The following MTURN variants were observed in gnomAD, a reference collection of about 807,000 sequenced individuals.
The protein encoded by MTURN is maturin.
Under a neutral mutation model 14.9 loss-of-function variants are expected in MTURN, and 7 were observed. The ratio of observed to expected loss-of-function variants is 0.47; its 90% CI spans 0.27 to 0.88. The LOEUF (loss-of-function observed/expected upper bound fraction) is 0.88, where lower values mean the gene tolerates loss of function less well. Ranked by LOEUF, MTURN falls within the 40% of genes least tolerant of loss-of-function variation. The pLI is 0.14. For missense variants in MTURN, 151 were observed against 174.1 expected (o/e 0.87, Z 0.75); for synonymous variants, 69 against 72.5 (o/e 0.95, Z 0.25).
chr7:30,138,421 C>T (rs1369667882), intron 1 of MTURN, among the ~76,000 whole-genome samples: 1 of 152,106 alleles, frequency 6.6e-6, no homozygotes, highest in African/African-American at 2.4e-5. Context: ...GGCCTCTATG[C>T]CATAGTTTCT....
intron 2 of MTURN, 116 bp from the exon 3 acceptor site, chr7:30,157,322 A>G (rs1196051530): frequency 1.2e-5 from 8 of 663,342 alleles, no homozygotes; most frequent in East Asian, 3.2e-5. Context: ...TTGACGGGGA[A>G]GTCTGCAGCT....
chr7:30,139,425 A>G (rs570926762), intron 1 of MTURN, among the ~76,000 whole-genome samples: 3 of 152,338 alleles, frequency 2.0e-5, no homozygotes, highest in East Asian at 3.9e-4. Flanking sequence ...AGCAACTTCA[A>G]CTATAGCCCT....
chr7:30,141,686 C>T (rs1217497092), intron 1 of MTURN, among the ~76,000 whole-genome samples: 1 of 152,090 alleles, frequency 6.6e-6, no homozygotes, highest in East Asian at 1.9e-4. Flanking sequence ...CCACACCCAG[C>T]TATTTTTCTT....
chr7:30,139,703 C>T (rs1164982086), intron 1 of MTURN, among the ~76,000 whole-genome samples: 1 of 152,178 alleles, frequency 6.6e-6, no homozygotes, highest in Non-Finnish European at 1.5e-5. Context: ...CCAGTAGTTC[C>T]AGGGGCCCAT....
Position 30,158,027 on chromosome 7 carries a change from A to G in MTURN, c.*479A>G, listed in dbSNP as rs1797312727. ...GTTTTGCTTATAAAGCATGAATTTT[A>G]ATATCTAGTCATTAAACTGCACAAG... On this transcript the variant is annotated 3_prime_UTR_variant, in exon 3 of 3. Coordinates refer to ENST00000324453, the MANE Select transcript of MTURN (RefSeq NM_152793.3). 6.5e-6 allele frequency: 1 copy of G among 152,672 alleles called. No individual in the cohort carries two copies. The highest frequency in any genetic ancestry group is 2.4e-5 in the African/African-American group (1 of 41,452). The allele number at this position is 152,672 out of a possible 1,614,324, so 9.5% of individuals were successfully genotyped here.
At chr7:30,142,323 A>G (rs1395656656) in intron 1 of MTURN, among the ~76,000 whole-genome samples, 2 of 152,208 alleles carry the variant, frequency 1.3e-5, no homozygotes, top group Non-Finnish European at 2.9e-5. Context: ...CACTCAGGCC[A>G]GGTTCGATGA....
In MTURN at chr7:30,159,740, G is replaced by A. The variant is rs909243816; in HGVS notation, c.*2192G>A. ...AAATCCCAAACAGCATTAGCAGATC[G>A]AATTGTTTCTTCTAAGACTTCCTTT... On this transcript the variant is annotated 3_prime_UTR_variant, in exon 3 of 3. Transcript: ENST00000324453. 1 of 152,662 alleles carries A rather than the reference G, an allele frequency of 6.6e-6. No individual in the cohort carries two copies. Among genetic ancestry groups the A allele is most frequent in the Non-Finnish European group, 1.5e-5 (1 of 68,052 alleles). The allele number at this position is 152,662 out of a possible 1,614,324, so 9.5% of individuals were successfully genotyped here. A position where few individuals can be genotyped will look rare whatever the true frequency, so the allele number is the denominator to read the frequency against.
intron 2 of MTURN, among the ~76,000 whole-genome samples, chr7:30,155,339 A>G (rs1227469165): frequency 1.3e-5 from 2 of 152,196 alleles, no homozygotes; most frequent in Non-Finnish European, 2.9e-5. Flanking sequence ...TTTACCAGCT[A>G]TTTAAATGTT....
intron 1 of MTURN, chr7:30,145,699 C>T (rs899323884): frequency 1.4e-5 from 11 of 806,658 alleles, no homozygotes; most frequent in Non-Finnish European, 2.0e-5. Flanking sequence ...TTTACCACCA[C>T]GCCTACTCAC....
rs924162009 is a variant in MTURN at position 30,160,114 on chromosome 7, A to T, written c.*2566A>T. 1 of 152,374 alleles carries T rather than the reference A, an allele frequency of 6.6e-6. No homozygotes were observed. The highest frequency in any genetic ancestry group is 1.5e-5 in the Non-Finnish European group (1 of 68,120). 9.4% of individuals were successfully genotyped at this position (152,374 alleles called of 1,614,324 possible). ...AAGGGGCATTTGCCCTTCCAGCTGT[A>T]AACACTGCCCTTCTGTGCCTGCCTT... On this transcript the variant is annotated 3_prime_UTR_variant, in exon 3 of 3. Transcript: ENST00000324453.
chr7:30,142,816 A>G (rs1797071664), intron 1 of MTURN, among the ~76,000 whole-genome samples: 1 of 152,156 alleles, frequency 6.6e-6, no homozygotes, highest in Non-Finnish European at 1.5e-5. Flanking sequence ...CTACCGCCTT[A>G]TTAGAGAGTC....
chr7:30,139,567 A>G (rs77313967), intron 1 of MTURN, among the ~76,000 whole-genome samples: 1,740 of 152,260 alleles, frequency 0.011, 33 homozygotes, highest in African/African-American at 0.04. Context: ...ATAGGCAAAG[A>G]AACTGAGGCT....
At position 30,143,576 on chromosome 7, in the gene MTURN, C is replaced by G. The variant is rs186109170; in HGVS notation, c.163-2601C>G. Among the ~76,000 whole-genome samples the G allele has an allele frequency of 6.7e-4, 102 of 152,208 alleles. 1 individual carries two copies. The highest frequency in any genetic ancestry group is 6.8e-3 in the Middle Eastern group (2 of 294). On this transcript the variant is annotated intron_variant, in intron 1 of 2. Coordinates refer to ENST00000324453, the MANE Select transcript of MTURN (RefSeq NM_152793.3). ...GAATCTGAGTCCAAACCCCATGCCA[C>G]TCTATCATGTGGACAAGGATTCAGT...
At chr7:30,144,051 A>G (rs1338982464) in intron 1 of MTURN, among the ~76,000 whole-genome samples, 2 of 152,184 alleles carry the variant, frequency 1.3e-5, no homozygotes, top group Non-Finnish European at 2.9e-5. Context: ...TCATTGTGTG[A>G]CCATAGCCTT....
intron 2 of MTURN, among the ~76,000 whole-genome samples, chr7:30,149,941 G>A (rs1327743650): frequency 6.6e-6 from 1 of 152,156 alleles, no homozygotes. Flanking sequence ...TGTTCTGCAG[G>A]GGGTTGCTTG....
At chr7:30,138,276 A>G (rs981194369) in intron 1 of MTURN, among the ~76,000 whole-genome samples, 2 of 152,054 alleles carry the variant, frequency 1.3e-5, no homozygotes, top group Non-Finnish European at 2.9e-5. Context: ...CCCCACGCCC[A>G]GCTAATTTTT....
At chr7:30,146,571 C>G (rs1325737803) in intron 2 of MTURN, among the ~76,000 whole-genome samples, 1 of 152,118 alleles carries the variant, frequency 6.6e-6, no homozygotes, top group African/African-American at 2.4e-5. Flanking sequence ...CAAACAGATC[C>G]TTTATGAGAC....
chr7:30,146,639 A>G (rs1368526800), intron 2 of MTURN, among the ~76,000 whole-genome samples: 3 of 152,288 alleles, frequency 2.0e-5, no homozygotes, highest in South Asian at 2.1e-4. Context: ...TGCAAGCCCA[A>G]TGGAGGTTCT....
intron 1 of MTURN, 159 bp from the exon 2 acceptor site, chr7:30,146,018 G>A (rs548695653): frequency 1.1e-5 from 17 of 1,558,952 alleles, no homozygotes; most frequent in Middle Eastern, 1.7e-4. Flanking sequence ...CCCTTTCAAC[G>A]CAAACAAATC....
Sources: allele counts gnomAD v4.1 joint callset (sites outside exome capture counted in the v4.1 genomes callset), GRCh38; gene constraint gnomAD v4.1.1; transcripts MANE v1.5; gene names NCBI Gene and HGNC (gene_info 2026-07-23, HGNC 2026-07-21).